CCDC159: variants seen among roughly 807,000 people sequenced by gnomAD.
CCDC159 encodes coiled-coil domain-containing protein 159.
A neutral mutation model predicts 50.9 loss-of-function variants in CCDC159; 40 were observed. The observed-to-expected ratio is 0.79, with a 90% CI of 0.61 to 1.02. CCDC159 has a LOEUF of 1.02. Ranked by LOEUF, CCDC159 falls within the 50% of genes least tolerant of loss-of-function variation. The pLI is 0.00. For missense variants in CCDC159, 356 were observed against 371.5 expected (o/e 0.96, Z 0.34); for synonymous variants, 146 against 138.9 (o/e 1.05, Z -0.36).
chr19:11,349,203 C>A, intron 1 of CCDC159: 1 of 1,325,346 alleles, frequency 7.5e-7, no homozygotes, highest in Middle Eastern at 2.1e-4. Context: ...AAGGTCACCC[C>A]CACCCGGGAA....
chr19:11,349,860 C>T, intron 2 of CCDC159, 78 bp from the exon 3 acceptor site: 1 of 1,400,340 alleles, frequency 7.1e-7, no homozygotes, highest in Non-Finnish European at 1.0e-6. Context: ...CTACTCTGAG[C>T]CTTTGCTGAC....
At chr19:11,348,256 C>A (rs1333028355) in intron 1 of CCDC159, 1 of 415,402 alleles carries the variant, frequency 2.4e-6, no homozygotes, top group Admixed American at 3.3e-5. Flanking sequence ...CACTGCCCAG[C>A]CCAAACCTTG....
intron 7 of CCDC159, 115 bp downstream of exon 7, chr19:11,352,248 C>A: frequency 9.8e-7 from 1 of 1,015,296 alleles, no homozygotes; most frequent in Non-Finnish European, 1.5e-6. Context: ...CTGCCACTCA[C>A]TGCTGTGTGA....
chr19:11,349,285 A>G (rs1251870155), intron 1 of CCDC159: 4 of 822,370 alleles, frequency 4.9e-6, no homozygotes, highest in Non-Finnish European at 6.8e-6. Flanking sequence ...AGGCAGAGAG[A>G]CTCCCATGAA....
At chr19:11,354,554 A>G in intron 9 of CCDC159, 26 bp from the exon 10 acceptor site, 1 of 1,553,012 alleles carries the variant, frequency 6.4e-7, no homozygotes, top group South Asian at 1.2e-5. Context: ...TGAGGGTCAC[A>G]TTCAGGGAAC....
intron 1 of CCDC159, 44 bp from the exon 2 acceptor site, chr19:11,349,610 G>A (rs754110488): frequency 1.7e-5 from 27 of 1,609,018 alleles, no homozygotes; most frequent in Non-Finnish European, 2.3e-5. Flanking sequence ...CAAGGAGGCA[G>A]CTCAGGGACA....
intron 5 of CCDC159, 114 bp downstream of exon 5, chr19:11,351,117 G>T: frequency 1.8e-6 from 2 of 1,097,436 alleles, no homozygotes; most frequent in Non-Finnish European, 2.5e-6. Flanking sequence ...GGGGACTGAG[G>T]GATGGTGGAA....
At chr19:11,354,803 C>T (rs375426256) in intron 10 of CCDC159, 70 bp from the exon 11 acceptor site, 1,084 of 1,611,538 alleles carry the variant, frequency 6.7e-4, no homozygotes, top group Non-Finnish European at 8.5e-4. Flanking sequence ...TCTGGGCATG[C>T]GGTCCCTGAC....
intron 2 of CCDC159, 81 bp downstream of exon 2, chr19:11,349,768 G>T: frequency 7.8e-7 from 1 of 1,278,460 alleles, no homozygotes. Flanking sequence ...AGCATCAGCT[G>T]TCCCCCTGCC....
chr19:11,353,906 G>C (rs1373979216), intron 9 of CCDC159, 32 bp downstream of exon 9: 3 of 1,520,024 alleles, frequency 2.0e-6, no homozygotes, highest in Non-Finnish European at 2.7e-6. Context: ...TCAGGGGTGG[G>C]AGGTCATTGT....
chr19:11,354,227 A>C (rs1967752280), intron 9 of CCDC159, among the ~76,000 whole-genome samples: 1 of 151,942 alleles, frequency 6.6e-6, no homozygotes, highest in Non-Finnish European at 1.5e-5. Flanking sequence ...AAAATTTAAA[A>C]ACTAGCTGGG....
rs200080002 is a variant in CCDC159, at chr19:11,351,006, C to G, written c.422+3C>G. On this transcript the variant is annotated splice_donor_region_variant and intron_variant, in intron 5 of 10. Coordinates refer to ENST00000458408, the MANE Select transcript of CCDC159 (RefSeq NM_001080503.3). Reference sequence around the variant, plus strand: ...CTGGCCCAGGAGATCCGGGACAGGTCGGGGATGGCGGGAGGGCAGCTTGGA... The same window carrying G: ...CTGGCCCAGGAGATCCGGGACAGGTGGGGGATGGCGGGAGGGCAGCTTGGA... 2 of 1,520,132 alleles carry G rather than the reference C, an allele frequency of 1.3e-6. No individual in the cohort carries two copies. Among genetic ancestry groups the G allele is most frequent in the Non-Finnish European group, 1.8e-6 (2 of 1,130,280 alleles). The allele number at this position is 1,520,132 out of a possible 1,614,324, so 94.2% of individuals were successfully genotyped here. A position where few individuals can be genotyped will look rare whatever the true frequency, so the allele number is the denominator to read the frequency against.
intron 2 of CCDC159, 113 bp from the exon 3 acceptor site, chr19:11,349,825 T>A: frequency 8.2e-7 from 1 of 1,219,362 alleles, no homozygotes. Context: ...GCCCCTGTTC[T>A]ATATCTTATC....
chr19:11,351,684 T>C, intron 5 of CCDC159: 2 of 447,680 alleles, frequency 4.5e-6, no homozygotes, highest in Admixed American at 7.9e-5. Context: ...GGCCAGGTGA[T>C]AGGAGGCTGA....
At chr19:11,347,578 C>G (rs1435206950) in intron 1 of CCDC159, among the ~76,000 whole-genome samples, 1 of 152,176 alleles carries the variant, frequency 6.6e-6, no homozygotes, top group Non-Finnish European at 1.5e-5. Flanking sequence ...GATCCACCTG[C>G]CTTGGCCTCC....
intron 4 of CCDC159, 70 bp from the exon 5 acceptor site, chr19:11,350,738 G>C: frequency 7.0e-7 from 1 of 1,424,180 alleles, no homozygotes; most frequent in Non-Finnish European, 9.4e-7. Flanking sequence ...TCTGGGTTCT[G>C]GGTCAAGATT....
intron 1 of CCDC159, among the ~76,000 whole-genome samples, chr19:11,347,835 G>C (rs1478471337): frequency 2.0e-5 from 3 of 152,232 alleles, no homozygotes; most frequent in East Asian, 3.8e-4. Flanking sequence ...TATACTGGAG[G>C]GGGAGGGGAG....
intron 1 of CCDC159, 64 bp from the exon 2 acceptor site, chr19:11,349,590 T>G: frequency 6.3e-7 from 1 of 1,597,638 alleles, no homozygotes; most frequent in Non-Finnish European, 8.5e-7. Flanking sequence ...CAAAACTGGG[T>G]TGAGGTGAGC....
chr19:11,348,989 G>GA (rs78738753), intron 1 of CCDC159: 237,022 of 1,340,306 alleles, frequency 0.18, 23,861 homozygotes, highest in Admixed American at 0.35. Flanking sequence ...CAAGGCTCTG[G>GA]AGCGTACAGC....
Sources: gnomAD v4.1 joint callset for allele counts (sites outside exome capture counted in the v4.1 genomes callset) on GRCh38, gnomAD v4.1.1 for gene constraint, MANE v1.5 for transcripts, NCBI Gene and HGNC (gene_info 2026-07-23, HGNC 2026-07-21) for gene names.